The following CLVS1 variants were observed in gnomAD, a reference collection of about 807,000 sequenced individuals.
CLVS1 encodes clavesin-1.
A neutral mutation model predicts 33.1 loss-of-function variants in CLVS1; 10 were observed. The observed-to-expected ratio is 0.30, with a 90% CI of 0.19 to 0.51. The LOEUF is 0.51. Ranked by LOEUF, CLVS1 falls within the 20% of genes least tolerant of loss-of-function variation. The pLI is 0.97. For missense variants in CLVS1, 343 were observed against 433.4 expected (o/e 0.79, Z 1.85); for synonymous variants, 163 against 166.1 (o/e 0.98, Z 0.14).
intron 2 of CLVS1, among the ~76,000 whole-genome samples, chr8:61,141,554 C>G (rs1236842055): frequency 2.0e-5 from 3 of 152,196 alleles, no homozygotes; most frequent in Non-Finnish European, 2.9e-5. Context: ...TTCTCTCCAT[C>G]CCTGCTACAC....
chr8:61,501,045 T>C lies in CLVS1; in HGVS notation c.*1503T>C, dbSNP rs1435658513. 1.3e-5 allele frequency: 2 copies of C among 152,242 alleles called. No individual in the cohort carries two copies. Among genetic ancestry groups the C allele is most frequent in the East Asian group, 3.9e-4 (2 of 5,192 alleles). 9.4% of individuals were successfully genotyped at this position (152,242 alleles called of 1,614,324 possible). A position where few individuals can be genotyped will look rare whatever the true frequency, so the allele number is the denominator to read the frequency against. ...TATTATACACTTGGAGAAATAAAGT[T>C]GAAACAGAATTAAAAATATTTCTCA... On this transcript the variant is annotated 3_prime_UTR_variant, in exon 6 of 6. Transcript: ENST00000325897.
the CLVS1 span, among the ~76,000 whole-genome samples, chr8:61,019,102 TA>T: frequency 6.6e-6 from 1 of 152,228 alleles, no homozygotes; most frequent in South Asian, 2.1e-4. Context: ...TAGCATTTAG[TA>T]AAACTGTACT....
At chr8:61,339,136 T>C (rs538607029) in intron 2 of CLVS1, among the ~76,000 whole-genome samples, 4 of 152,236 alleles carry the variant, frequency 2.6e-5, no homozygotes, top group Non-Finnish European at 5.9e-5. Context: ...CCTCTGGTAG[T>C]GTCAGGGGAG....
chr8:61,037,160 AG>A, the CLVS1 span, among the ~76,000 whole-genome samples: 2 of 152,238 alleles, frequency 1.3e-5, no homozygotes, highest in African/African-American at 4.8e-5. Flanking sequence ...GTGTCAAAAT[AG>A]ACATGAAATT....
intron 3 of CLVS1, among the ~76,000 whole-genome samples, chr8:61,409,886 A>G (rs189113247): frequency 2.6e-4 from 40 of 152,228 alleles, no homozygotes; most frequent in African/African-American, 9.1e-4. Context: ...ATTGAGATGG[A>G]TCATTTTTTC....
At chr8:61,164,947 G>A (rs982510543) in intron 2 of CLVS1, among the ~76,000 whole-genome samples, 4 of 152,174 alleles carry the variant, frequency 2.6e-5, no homozygotes, top group Non-Finnish European at 5.9e-5. Flanking sequence ...AGATGGTGGT[G>A]AGCCTCATGT....
At chr8:61,089,396 G>A (rs1382748937) in intron 1 of CLVS1, among the ~76,000 whole-genome samples, 1 of 152,200 alleles carries the variant, frequency 6.6e-6, no homozygotes, top group Non-Finnish European at 1.5e-5. Context: ...TGGGACATAT[G>A]TGGTCCCATG....
the CLVS1 span, among the ~76,000 whole-genome samples, chr8:60,973,140 C>T: frequency 8.5e-5 from 13 of 152,210 alleles, no homozygotes; most frequent in South Asian, 4.1e-4. Context: ...AGAAAGGACC[C>T]GTTGCAAATG....
At chr8:61,266,048 C>G (rs1197474975) in intron 2 of CLVS1, among the ~76,000 whole-genome samples, 2 of 152,082 alleles carry the variant, frequency 1.3e-5, no homozygotes, top group African/African-American at 4.8e-5. Context: ...TGTTCGTCTC[C>G]CCATGAAATG....
At chr8:61,305,397 A>G (rs866152247) in intron 2 of CLVS1, among the ~76,000 whole-genome samples, 2 of 151,572 alleles carry the variant, frequency 1.3e-5, no homozygotes, top group African/African-American at 4.9e-5. Flanking sequence ...TCACATTTTT[A>G]CCTCCTGCAT....
chr8:61,398,380 C>T (rs1338184805), intron 3 of CLVS1, among the ~76,000 whole-genome samples: 1 of 151,908 alleles, frequency 6.6e-6, no homozygotes, highest in African/African-American at 2.4e-5. Context: ...CCGGGTTTCA[C>T]CACATTGCTC....
intron 2 of CLVS1, among the ~76,000 whole-genome samples, chr8:61,307,450 A>G (rs1243325982): frequency 2.6e-5 from 4 of 152,178 alleles, no homozygotes; most frequent in Non-Finnish European, 5.9e-5. Flanking sequence ...GCAAGGGCCG[A>G]AAGGTTGGAT....
chr8:61,226,160 T>C (rs751904875), intron 2 of CLVS1, among the ~76,000 whole-genome samples: 2 of 152,218 alleles, frequency 1.3e-5, no homozygotes, highest in Non-Finnish European at 2.9e-5. Context: ...CTTGTTTCAG[T>C]ATTAGAAGTG....
intron 3 of CLVS1, among the ~76,000 whole-genome samples, chr8:61,391,570 GTAATT>G (rs1183123526): frequency 6.6e-6 from 1 of 152,182 alleles, no homozygotes; most frequent in Non-Finnish European, 1.5e-5. Flanking sequence ...CTGGATTTTA[GTAATT>G]TAAAGATGTT....
At chr8:61,178,096 T>C (rs1055053170) in intron 2 of CLVS1, among the ~76,000 whole-genome samples, 1 of 152,096 alleles carries the variant, frequency 6.6e-6, no homozygotes, top group Non-Finnish European at 1.5e-5. Context: ...GCTAAGAACC[T>C]TGATAAAAGG....
chr8:61,083,941 A>C (rs1014108552), intron 1 of CLVS1, among the ~76,000 whole-genome samples: 1 of 152,210 alleles, frequency 6.6e-6, no homozygotes, highest in African/African-American at 2.4e-5. Context: ...CCTGACCCCT[A>C]ATGATAAAAA....
intron 3 of CLVS1, among the ~76,000 whole-genome samples, chr8:61,412,678 C>A (rs1366334193): frequency 2.6e-5 from 4 of 152,156 alleles, no homozygotes; most frequent in Non-Finnish European, 4.4e-5. Flanking sequence ...GGTAATGTAA[C>A]AACAGTCCCA....
At chr8:61,304,865 G>T (rs1057348386) in intron 2 of CLVS1, among the ~76,000 whole-genome samples, 2 of 152,134 alleles carry the variant, frequency 1.3e-5, no homozygotes, top group Admixed American at 1.3e-4. Flanking sequence ...GGTCTCAATT[G>T]TATCAAGTGG....
chr8:61,036,950 T>C, the CLVS1 span, among the ~76,000 whole-genome samples: 1 of 152,152 alleles, frequency 6.6e-6, no homozygotes, highest in African/African-American at 2.4e-5. Context: ...TGGGGTGACA[T>C]GATGGGCCTC....
Sources: gnomAD v4.1 joint callset for allele counts (sites outside exome capture counted in the v4.1 genomes callset) on GRCh38, gnomAD v4.1.1 for gene constraint, MANE v1.5 for transcripts, NCBI Gene and HGNC (gene_info 2026-07-23, HGNC 2026-07-21) for gene names.